CTXN3: variants seen among roughly 807,000 people sequenced by gnomAD.
CTXN3 encodes cortexin-3.
CTXN3 carries 4 observed loss-of-function variants against 5.0 expected under a neutral mutation model. That is an observed-to-expected ratio of 0.79 (90% CI 0.39 to 1.82). The LOEUF (loss-of-function observed/expected upper bound fraction) is 1.82. Among genes scored for constraint, CTXN3 ranks in the 40% most tolerant of loss-of-function variants. CTXN3 has a pLI of 0.04. For synonymous variants in CTXN3, 48 were observed against 38.6 expected (o/e 1.24, Z -0.91); for missense variants, 89 against 99.7 (o/e 0.89, Z 0.46).
intron 2 of CTXN3, among the ~76,000 whole-genome samples, chr5:127,656,094 T>C (rs1302175552): frequency 3.9e-5 from 6 of 152,212 alleles, no homozygotes; most frequent in Non-Finnish European, 7.3e-5. Flanking sequence ...TTTGGTTATT[T>C]TCATTGAGCA....
intron 2 of CTXN3, among the ~76,000 whole-genome samples, chr5:127,657,078 A>G (rs888946509): frequency 6.6e-6 from 1 of 152,220 alleles, no homozygotes; most frequent in Non-Finnish European, 1.5e-5. Flanking sequence ...GAGTAATATT[A>G]GTGGAGCAGA....
At chr5:127,651,269 T>G (rs1292464260) in intron 1 of CTXN3, among the ~76,000 whole-genome samples, 1 of 152,232 alleles carries the variant, frequency 6.6e-6, no homozygotes, top group East Asian at 1.9e-4. Context: ...CACCTACTTT[T>G]GAAACCACGT....
chr5:127,652,839 A>G (rs928499728), intron 1 of CTXN3, among the ~76,000 whole-genome samples: 1 of 152,198 alleles, frequency 6.6e-6, no homozygotes, highest in African/African-American at 2.4e-5. Context: ...TGATCAACAC[A>G]TTGGCCATTT....
In CTXN3 at chr5:127,653,332, C is replaced by G. The variant is rs543569987; in HGVS notation, c.-191C>G. ...AATTTTTCAGTATTAAAATTAGACT[C>G]TATTTCCTGAGCACCCACAAATGGA... On this transcript the variant is annotated 5_prime_UTR_variant, in exon 2 of 3. Transcript: ENST00000379445. The G allele has an allele frequency of 2.0e-5, 3 of 151,860 alleles. No homozygotes were observed. Among genetic ancestry groups the G allele is most frequent in the Non-Finnish European group, 3.0e-5 (2 of 67,788 alleles). The allele number at this position is 151,860 out of a possible 1,614,324, so 9.4% of individuals were successfully genotyped here. A position where few individuals can be genotyped will look rare whatever the true frequency, so the allele number is the denominator to read the frequency against.
chr5:127,656,942 C>T (rs1749920810), intron 2 of CTXN3, among the ~76,000 whole-genome samples: 1 of 152,200 alleles, frequency 6.6e-6, no homozygotes, highest in Non-Finnish European at 1.5e-5. Flanking sequence ...TTTCCTTGCA[C>T]TGGGGCTAAA....
At chr5:127,655,743 G>T (rs1194416639) in intron 2 of CTXN3, among the ~76,000 whole-genome samples, 2 of 152,108 alleles carry the variant, frequency 1.3e-5, no homozygotes, top group African/African-American at 4.8e-5. Context: ...AATTCCTAAA[G>T]AGCTTATTTT....
At chr5:127,652,984 G>A (rs1749815906) in intron 1 of CTXN3, 1 of 152,216 alleles carries the variant, frequency 6.6e-6, no homozygotes, top group Non-Finnish European at 1.5e-5. Flanking sequence ...AGGCCCACAA[G>A]GGGGTTAATG....
At chr5:127,651,511 T>C (rs1345623440) in intron 1 of CTXN3, among the ~76,000 whole-genome samples, 1 of 152,128 alleles carries the variant, frequency 6.6e-6, no homozygotes, top group Admixed American at 6.5e-5. Flanking sequence ...TGGTAACGAT[T>C]TTTATAATTC....
intron 1 of CTXN3, among the ~76,000 whole-genome samples, chr5:127,650,496 G>A (rs1283610145): frequency 3.3e-5 from 5 of 152,276 alleles, no homozygotes; most frequent in South Asian, 4.1e-4. Context: ...AGATGTTGCC[G>A]TGTATATGAG....
rs570359779 is a variant in CTXN3, at chr5:127,657,706, C to G, written c.185C>G (p.Ser62Cys). ...LLDPYRSMPT[S>C]TWADGLEGLE... ...GATCCATATCGAAGCATGCCAACCT[C>G]TACCTGGGCTGATGGACTTGAAGGC... Residue 62 changes from serine to cysteine, a missense_variant, in exon 3 of 3, where the codon TCT becomes TGT. Physicochemically the swap from Ser to Cys is moderately radical, Grantham distance 112. Transcript: ENST00000379445. 1.9e-5 allele frequency: 30 copies of G among 1,614,212 alleles called. No individual in the cohort carries two copies. In the Admixed American group the frequency reaches 3.7e-4, roughly 20 times the overall value.
At chr5:127,651,001 C>T (rs181529924) in intron 1 of CTXN3, among the ~76,000 whole-genome samples, 141 of 152,280 alleles carry the variant, frequency 9.3e-4, no homozygotes, top group African/African-American at 3.3e-3. Flanking sequence ...AACATTTCCA[C>T]AGTTAACTTC....
rs373925248 is a variant in CTXN3 at position 127,654,658 on chromosome 5, T to C, written c.-100+1235T>C. ...GAAGCCTAGAAAGTATGAGAGTTGA[T>C]CCAGGAGAGAAGGATTTGGCATTTG... On this transcript the variant is annotated intron_variant, in intron 2 of 2. Coordinates refer to ENST00000379445, the MANE Select transcript of CTXN3 (RefSeq NM_001048252.3). Among the ~76,000 whole-genome samples, 21 of 152,252 alleles carry C rather than the reference T, an allele frequency of 1.4e-4. No homozygotes were observed. The South Asian group carries it at 2.3e-3, about 17-fold the overall frequency.
chr5:127,657,823 G>T lies in CTXN3; in HGVS notation c.*56G>T. 1.9e-6 allele frequency: 3 copies of T among 1,597,204 alleles called. No individual in the cohort carries two copies. The highest frequency in any genetic ancestry group is 2.6e-6 in the Non-Finnish European group (3 of 1,168,374). ...GATGAAGTGCTTTGTGTCTTGGTGA[G>T]GATTCCCTTTATTTAGTGTTCTCAA... On this transcript the variant is annotated 3_prime_UTR_variant, in exon 3 of 3. Coordinates refer to ENST00000379445, the MANE Select transcript of CTXN3 (RefSeq NM_001048252.3).
chr5:127,657,206 A>G (rs940719714), intron 2 of CTXN3, among the ~76,000 whole-genome samples: 5 of 152,164 alleles, frequency 3.3e-5, no homozygotes, highest in African/African-American at 9.7e-5. Flanking sequence ...TTCCCTGCCC[A>G]TCCCTCCTGG....
chr5:127,655,268 TA>T (rs889860997), intron 2 of CTXN3, among the ~76,000 whole-genome samples: 1 of 150,742 alleles, frequency 6.6e-6, no homozygotes, highest in Non-Finnish European at 1.5e-5. Flanking sequence ...CGTCTCAAAA[TA>T]AAAAAAAAGA....
intron 1 of CTXN3, among the ~76,000 whole-genome samples, chr5:127,652,645 C>G (rs191008097): frequency 8.6e-5 from 13 of 151,476 alleles, no homozygotes; most frequent in Admixed American, 8.6e-4. Flanking sequence ...AGGAAAGATG[C>G]TTGCCTCATA....
At chr5:127,655,261 C>G (rs975938681) in intron 2 of CTXN3, among the ~76,000 whole-genome samples, 3 of 151,938 alleles carry the variant, frequency 2.0e-5, no homozygotes, top group Non-Finnish European at 4.4e-5. Context: ...GAAACTCCGT[C>G]TCAAAATAAA....
chr5:127,654,077 G>A (rs13340346), intron 2 of CTXN3, among the ~76,000 whole-genome samples: 6,536 of 152,188 alleles, frequency 0.043, 303 homozygotes, highest in African/African-American at 0.12. Context: ...AGGTGGGAAC[G>A]GTCCTCACAA....
rs558878090 is a variant in CTXN3, at chr5:127,649,654, T to A, written c.-207+266T>A. The stretch of plus-strand genomic sequence containing the variant: ...GAAGAAGTAGTAAAACAGGCTTTTT[T>A]TTCTTTCCTAAGCTGCAGTAATTTA... On this transcript the variant is annotated intron_variant, in intron 1 of 2. Coordinates refer to ENST00000379445, the MANE Select transcript of CTXN3 (RefSeq NM_001048252.3). 2.4e-4 allele frequency among the ~76,000 whole-genome samples: 37 copies of A among 152,328 alleles called. 1 individual carries two copies. Among genetic ancestry groups the A allele is most frequent in the African/African-American group, 7.9e-4 (33 of 41,586 alleles).
Sources: gnomAD v4.1 joint callset for allele counts (sites outside exome capture counted in the v4.1 genomes callset) on GRCh38, gnomAD v4.1.1 for gene constraint, MANE v1.5 for transcripts, NCBI Gene and HGNC (gene_info 2026-07-23, HGNC 2026-07-21) for gene names.